Variants in ANKS1B observed in about 807,000 individuals in gnomAD.
ANKS1B encodes ankyrin repeat and sterile alpha motif domain-containing protein 1B.
ANKS1B carries 36 observed loss-of-function variants against 148.3 expected under a neutral mutation model. The ratio of observed to expected loss-of-function variants is 0.24; its 90% CI spans 0.19 to 0.32. The LOEUF (loss-of-function observed/expected upper bound fraction) is 0.32. Ranked by LOEUF, ANKS1B falls within the 10% of genes least tolerant of loss-of-function variation. The probability of loss-of-function intolerance (pLI) is 1.00; values close to 1 mark genes in which losing one functional copy is unlikely to be tolerated. For missense variants in ANKS1B, 1,157 were observed against 1,542.6 expected (o/e 0.75, Z 4.19); for synonymous variants, 542 against 560.8 (o/e 0.97, Z 0.47).
At chr12:98,871,241 C>T (rs920737911) in intron 17 of ANKS1B, among the ~76,000 whole-genome samples, 6 of 152,142 alleles carry the variant, frequency 3.9e-5, no homozygotes, top group Non-Finnish European at 8.8e-5. Flanking sequence ...TTACTTTCTG[C>T]TCACATAAAT....
intron 10 of ANKS1B, among the ~76,000 whole-genome samples, chr12:99,492,215 A>T (rs1358643084): frequency 6.6e-6 from 1 of 152,188 alleles, no homozygotes; most frequent in Non-Finnish European, 1.5e-5. Flanking sequence ...CATGACAAAG[A>T]GGATGTTACC....
At chr12:99,400,111 A>G (rs1380610373) in intron 11 of ANKS1B, among the ~76,000 whole-genome samples, 2 of 150,648 alleles carry the variant, frequency 1.3e-5, no homozygotes, top group Non-Finnish European at 2.9e-5. Flanking sequence ...ATCAATTTTG[A>G]AAGTTGCAAT....
intron 14 of ANKS1B, among the ~76,000 whole-genome samples, chr12:99,237,167 C>T (rs2088144294): frequency 6.6e-6 from 1 of 152,130 alleles, no homozygotes; most frequent in Non-Finnish European, 1.5e-5. Flanking sequence ...TCAAATATGT[C>T]AACTGAGAAT....
chr12:99,170,082 A>G (rs989219267), intron 14 of ANKS1B, among the ~76,000 whole-genome samples: 11 of 152,236 alleles, frequency 7.2e-5, no homozygotes, highest in Non-Finnish European at 1.6e-4. Context: ...GCCATGAGAA[A>G]AGGCAGGAGG....
At chr12:99,295,229 A>G (rs1319502630) in intron 12 of ANKS1B, among the ~76,000 whole-genome samples, 1 of 152,228 alleles carries the variant, frequency 6.6e-6, no homozygotes, top group African/African-American at 2.4e-5. Context: ...CATGTTCACT[A>G]ACACTTGGTA....
At chr12:99,447,897 T>C (rs1261579099) in intron 10 of ANKS1B, among the ~76,000 whole-genome samples, 1 of 151,924 alleles carries the variant, frequency 6.6e-6, no homozygotes, top group East Asian at 1.9e-4. Context: ...AGAACTACAA[T>C]GAAATATCAT....
At chr12:99,894,520 A>AAC (rs1685339676) in intron 1 of ANKS1B, among the ~76,000 whole-genome samples, 2 of 142,564 alleles carry the variant, frequency 1.4e-5, no homozygotes, top group African/African-American at 2.6e-5. Flanking sequence ...AAAAAAAAAA[A>AAC]AAAAAAAAAA....
chr12:99,267,765 G>C (rs2076597886), intron 12 of ANKS1B, among the ~76,000 whole-genome samples: 1 of 152,130 alleles, frequency 6.6e-6, no homozygotes, highest in Non-Finnish European at 1.5e-5. Flanking sequence ...AATCTTTCCA[G>C]AAAAAGATGG....
intron 8 of ANKS1B, among the ~76,000 whole-genome samples, chr12:99,737,298 A>G (rs776299881): frequency 8.5e-5 from 13 of 152,122 alleles, no homozygotes; most frequent in Non-Finnish European, 1.3e-4. Context: ...GTGCCCATCA[A>G]CGGATGAATG....
intron 12 of ANKS1B, among the ~76,000 whole-genome samples, chr12:99,344,660 C>G (rs911355877): frequency 2.0e-5 from 3 of 151,904 alleles, no homozygotes; most frequent in Non-Finnish European, 4.4e-5. Context: ...ACCAAATATC[C>G]TTTGTATCTA....
chr12:99,587,704 T>C (rs2097657204), intron 9 of ANKS1B, among the ~76,000 whole-genome samples: 2 of 152,184 alleles, frequency 1.3e-5, no homozygotes, highest in Admixed American at 1.3e-4. Context: ...GGGGCGAATA[T>C]AAAAAGTTTC....
At chr12:98,775,277 C>T (rs1487015861) in intron 24 of ANKS1B, among the ~76,000 whole-genome samples, 1 of 152,178 alleles carries the variant, frequency 6.6e-6, no homozygotes, top group African/African-American at 2.4e-5. Flanking sequence ...TTGCACTGAA[C>T]TCTCTGAATC....
intron 16 of ANKS1B, among the ~76,000 whole-genome samples, chr12:99,056,137 A>T (rs2040125381): frequency 6.6e-6 from 1 of 152,204 alleles, no homozygotes. Context: ...ATATTTAATC[A>T]ATGCCTATTC....
chr12:99,641,023 A>G (rs1174536433), intron 9 of ANKS1B, among the ~76,000 whole-genome samples: 1 of 152,222 alleles, frequency 6.6e-6, no homozygotes, highest in African/African-American at 2.4e-5. Context: ...AATAACCACT[A>G]TAGCTGTATA....
chr12:99,147,713 C>G (rs1238354235), intron 15 of ANKS1B, among the ~76,000 whole-genome samples: 2 of 152,010 alleles, frequency 1.3e-5, no homozygotes, highest in Non-Finnish European at 2.9e-5. Context: ...AGATATGGAT[C>G]TATGAGAACC....
chr12:99,054,548 A>AT (rs977365347), intron 16 of ANKS1B, among the ~76,000 whole-genome samples: 42 of 151,516 alleles, frequency 2.8e-4, no homozygotes, highest in Admixed American at 6.6e-4. Flanking sequence ...GTTTTATTTT[A>AT]TTTTTTTTGA....
intron 17 of ANKS1B, among the ~76,000 whole-genome samples, chr12:99,045,085 A>C (rs568769897): frequency 2.0e-4 from 30 of 152,298 alleles, no homozygotes; most frequent in Non-Finnish European, 3.4e-4. Context: ...GGTCAAACGG[A>C]AGCAGCTTTA....
At chr12:98,889,085 T>C (rs952555912) in intron 17 of ANKS1B, among the ~76,000 whole-genome samples, 44 of 152,228 alleles carry the variant, frequency 2.9e-4, no homozygotes, top group Admixed American at 1.7e-3. Flanking sequence ...GAATTCAGAA[T>C]GCATGTTCTT....
chr12:99,713,577 C>A (rs1335129271), intron 8 of ANKS1B, among the ~76,000 whole-genome samples: 3 of 152,144 alleles, frequency 2.0e-5, no homozygotes, highest in South Asian at 4.1e-4. Context: ...GACTGCAGAA[C>A]AAAATTCTGC....
Sources: gnomAD v4.1 joint callset for allele counts (sites outside exome capture counted in the v4.1 genomes callset) on GRCh38, gnomAD v4.1.1 for gene constraint, MANE v1.5 for transcripts, NCBI Gene and HGNC (gene_info 2026-07-23, HGNC 2026-07-21) for gene names.